CGNL1: variants seen among roughly 807,000 people sequenced by gnomAD.
The protein encoded by CGNL1 is cingulin like 1, also known as cingulin-like protein 1.
Under a neutral mutation model 141.2 loss-of-function variants are expected in CGNL1, and 132 were observed. The observed-to-expected ratio is 0.93, with a 90% CI of 0.81 to 1.08. CGNL1 has a LOEUF of 1.08. Ranked by LOEUF, CGNL1 falls within the 50% of genes least tolerant of loss-of-function variation. The probability of loss-of-function intolerance (pLI) is 0.00; values close to 1 mark genes in which losing one functional copy is unlikely to be tolerated. For missense variants in CGNL1, 1,870 were observed against 1,588.6 expected, an observed-to-expected ratio of 1.18 and a Z score of -3.01; for synonymous variants, 690 against 622.1, an observed-to-expected ratio of 1.11 and a Z score of -1.63.
chr15:57,525,887 T>C (rs781117212), intron 12 of CGNL1, among the ~76,000 whole-genome samples: 80 of 150,032 alleles, frequency 5.3e-4, no homozygotes, highest in Non-Finnish European at 9.0e-4. Flanking sequence ...CTCTTTGGTA[T>C]TAAAAAAAAA....
At chr15:57,476,387 C>T (rs570021635) in intron 8 of CGNL1, among the ~76,000 whole-genome samples, 49 of 152,290 alleles carry the variant, frequency 3.2e-4, no homozygotes, top group African/African-American at 1.2e-3. Context: ...TAACCATTTT[C>T]CTTATTCATT....
At chr15:57,545,986 C>A in intron 17 of CGNL1, 90 bp from the exon 18 acceptor site, 2 of 1,441,704 alleles carry the variant, frequency 1.4e-6, no homozygotes, top group Non-Finnish European at 1.9e-6. Context: ...GTCTTGGTTG[C>A]CTGGGGAGAT....
intron 8 of CGNL1, among the ~76,000 whole-genome samples, chr15:57,480,215 G>T (rs543624005): frequency 3.0e-5 from 4 of 134,002 alleles, no homozygotes; most frequent in Middle Eastern, 4.5e-3. Context: ...CCACAGCATT[G>T]AGCATGGGTA....
chr15:57,439,384 C>T lies in CGNL1; in HGVS notation c.1385C>T (p.Pro462Leu), dbSNP rs369350431. 9 of 1,614,168 alleles carry T rather than the reference C, an allele frequency of 5.6e-6. No homozygotes were observed. In the South Asian group the frequency reaches 7.7e-5, roughly 14 times the overall value. The part of the protein sequence containing the change: ...HGASCAHSRP[P>L]QPNIDGKVLE... ...GCTTCATGTGCCCACTCCAGGCCTC[C>T]CCAGCCGAACATAGATGGGAAAGTT... The change falls in exon 2 of 19, where the codon CCC (proline) becomes CTC (leucine). Residue 462 changes from proline (P) to leucine (L), a missense_variant. Coordinates refer to ENST00000281282, the MANE Select transcript of CGNL1 (RefSeq NM_032866.5).
At chr15:57,519,269 T>G in intron 10 of CGNL1, among the ~76,000 whole-genome samples, 1 of 152,144 alleles carries the variant, frequency 6.6e-6, no homozygotes, top group East Asian at 1.9e-4. Context: ...AGCCAGTGTT[T>G]TTGAGAGTTG....
At chr15:57,536,176 A>G (rs1567175673) in intron 14 of CGNL1, among the ~76,000 whole-genome samples, 1 of 152,056 alleles carries the variant, frequency 6.6e-6, no homozygotes, top group South Asian at 2.1e-4. Context: ...AAACCATTAG[A>G]TCTCATGAGA....
At chr15:57,442,500 T>G in intron 4 of CGNL1, 22 bp downstream of exon 4, 1 of 1,413,746 alleles carries the variant, frequency 7.1e-7, no homozygotes, top group Non-Finnish European at 1.0e-6. Flanking sequence ...TTTTGTATTT[T>G]GTAGAGTGCA....
At chr15:57,485,684 C>G (rs1354919046) in intron 8 of CGNL1, among the ~76,000 whole-genome samples, 1 of 152,102 alleles carries the variant, frequency 6.6e-6, no homozygotes, top group Non-Finnish European at 1.5e-5. Context: ...ATAGAAAAAG[C>G]TTGCTTTAAA....
chr15:57,533,238 T>A (rs916022872), intron 14 of CGNL1, among the ~76,000 whole-genome samples: 1 of 152,292 alleles, frequency 6.6e-6, no homozygotes, highest in South Asian at 2.1e-4. Flanking sequence ...AGGCTATGAT[T>A]TATCTGGAGC....
chr15:57,470,683 G>A (rs927410524), intron 8 of CGNL1, among the ~76,000 whole-genome samples: 4 of 152,146 alleles, frequency 2.6e-5, no homozygotes, highest in Admixed American at 1.3e-4. Context: ...GTGCCAGCGC[G>A]GTGCTAGTCA....
intron 12 of CGNL1, among the ~76,000 whole-genome samples, chr15:57,526,183 A>C (rs1352967905): frequency 5.3e-5 from 8 of 151,748 alleles, no homozygotes; most frequent in Admixed American, 2.6e-4. Context: ...TCCAAAACAA[A>C]AAAAAAAAAG....
chr15:57,402,957 T>G (rs1164503582), intron 1 of CGNL1, among the ~76,000 whole-genome samples: 1 of 152,214 alleles, frequency 6.6e-6, no homozygotes, highest in African/African-American at 2.4e-5. Flanking sequence ...ACTGCACATA[T>G]GCGTAATTCC....
Position 57,473,118 on chromosome 15 carries a change from G to A in CGNL1, c.2403+11226G>A, listed in dbSNP as rs369935791. Among the ~76,000 whole-genome samples the A allele has an allele frequency of 9.2e-5, 14 of 152,280 alleles. 1 individual carries two copies. The highest frequency in any genetic ancestry group is 1.9e-4 in the East Asian group (1 of 5,180). ...GGTCAAGCCACAAGAATTGGGTGGT[G>A]CAGTGAGTGGGGCTATTATAAATAG... is the stretch of plus-strand genomic sequence containing the variant. On this transcript the variant is annotated intron_variant, in intron 8 of 18. Coordinates refer to ENST00000281282, the MANE Select transcript of CGNL1 (RefSeq NM_032866.5).
chr15:57,463,484 C>T (rs1309247573), intron 8 of CGNL1, among the ~76,000 whole-genome samples: 1 of 152,230 alleles, frequency 6.6e-6, no homozygotes, highest in African/African-American at 2.4e-5. Flanking sequence ...GCGAAGTAGT[C>T]AAGACGTGTA....
At chr15:57,495,964 G>T (rs1409570785) in intron 8 of CGNL1, among the ~76,000 whole-genome samples, 1 of 152,154 alleles carries the variant, frequency 6.6e-6, no homozygotes, top group Admixed American at 6.5e-5. Flanking sequence ...GAATGTCTTG[G>T]CAATCCAGAT....
chr15:57,461,056 C>G, intron 7 of CGNL1, among the ~76,000 whole-genome samples: 1 of 152,008 alleles, frequency 6.6e-6, no homozygotes, highest in East Asian at 1.9e-4. Context: ...AAAGGAATGC[C>G]GAGCCTTTGG....
chr15:57,531,653 C>A, intron 13 of CGNL1, 37 bp from the exon 14 acceptor site: 1 of 1,381,026 alleles, frequency 7.2e-7, no homozygotes, highest in Non-Finnish European at 1.0e-6. Context: ...CCGGTCAGTG[C>A]AAGTTAAGTC....
intron 1 of CGNL1, among the ~76,000 whole-genome samples, chr15:57,386,908 G>A (rs1474695790): frequency 1.3e-5 from 2 of 152,054 alleles, no homozygotes; most frequent in African/African-American, 4.8e-5. Context: ...TCTGGTTCTT[G>A]GTATTTTTTT....
At chr15:57,423,058 CTTTT>C (rs2062933794) in intron 1 of CGNL1, among the ~76,000 whole-genome samples, 1 of 152,122 alleles carries the variant, frequency 6.6e-6, no homozygotes, top group African/African-American at 2.4e-5. Context: ...AGAAGTGACT[CTTTT>C]TGTCTGGTTT....
Sources: allele counts gnomAD v4.1 joint callset (sites outside exome capture counted in the v4.1 genomes callset), GRCh38; gene constraint gnomAD v4.1.1; transcripts MANE v1.5; gene names NCBI Gene and HGNC (gene_info 2026-07-23, HGNC 2026-07-21).